The following SPAG16 variants were observed in gnomAD, a reference collection of about 807,000 sequenced individuals.
SPAG16 encodes sperm-associated antigen 16 protein.
SPAG16 carries 86 observed loss-of-function variants against 80.4 expected under a neutral mutation model. The observed-to-expected ratio is 1.07, with a 90% confidence interval of 0.90 to 1.28. The LOEUF is 1.28. Ranked by LOEUF, SPAG16 falls within the 50% of genes most tolerant of loss-of-function variation. The pLI is 0.00. For synonymous variants in SPAG16, 294 were observed against 265.9 expected, an observed-to-expected ratio of 1.11 and a Z score of -1.03; for missense variants, 870 against 765.3, an observed-to-expected ratio of 1.14 and a Z score of -1.61.
intron 10 of SPAG16, among the ~76,000 whole-genome samples, chr2:213,623,973 TA>T (rs1355722427): frequency 6.6e-6 from 1 of 152,146 alleles, no homozygotes; most frequent in Non-Finnish European, 1.5e-5. Context: ...TTAATTAAGT[TA>T]AACACAATTT....
At chr2:213,788,604 T>A (rs1411950103) in intron 10 of SPAG16, among the ~76,000 whole-genome samples, 1 of 151,978 alleles carries the variant, frequency 6.6e-6, no homozygotes, top group Non-Finnish European at 1.5e-5. Context: ...AGGAGACTCA[T>A]AAATTCTTCC....
At chr2:213,691,051 C>T (rs2064923398) in intron 10 of SPAG16, among the ~76,000 whole-genome samples, 1 of 152,106 alleles carries the variant, frequency 6.6e-6, no homozygotes, top group African/African-American at 2.4e-5. Flanking sequence ...CCCTGAAGGC[C>T]TAATCACCTC....
intron 10 of SPAG16, among the ~76,000 whole-genome samples, chr2:213,811,140 G>A (rs1016972153): frequency 3.9e-5 from 6 of 152,050 alleles, no homozygotes; most frequent in African/African-American, 1.4e-4. Context: ...TTAATATTCA[G>A]TTTTTACACT....
At chr2:213,664,768 A>C (rs1010196237) in intron 10 of SPAG16, among the ~76,000 whole-genome samples, 1 of 151,886 alleles carries the variant, frequency 6.6e-6, no homozygotes, top group Non-Finnish European at 1.5e-5. Flanking sequence ...TTTCACCTCA[A>C]ATATTTTTTC....
chr2:213,853,801 CTTAT>C (rs1483661404), intron 10 of SPAG16, among the ~76,000 whole-genome samples: 3 of 152,106 alleles, frequency 2.0e-5, no homozygotes, highest in African/African-American at 7.2e-5. Context: ...GCTTATTATT[CTTAT>C]TTATTAGAAC....
chr2:213,618,239 A>G (rs563246827), intron 10 of SPAG16, among the ~76,000 whole-genome samples: 2 of 152,272 alleles, frequency 1.3e-5, no homozygotes, highest in South Asian at 2.1e-4. Flanking sequence ...CTTTCTCAGC[A>G]TTTGTATTTC....
At chr2:213,541,790 A>G (rs1307124655) in intron 10 of SPAG16, among the ~76,000 whole-genome samples, 2 of 152,004 alleles carry the variant, frequency 1.3e-5, no homozygotes, top group Non-Finnish European at 2.9e-5. Context: ...AAGCAGGTGG[A>G]TAATTAACGT....
chr2:213,851,668 T>C (rs910353528), intron 10 of SPAG16, among the ~76,000 whole-genome samples: 4 of 152,208 alleles, frequency 2.6e-5, no homozygotes, highest in African/African-American at 9.6e-5. Context: ...CGGCTGCCTC[T>C]TACCTTGCCA....
intron 7 of SPAG16, among the ~76,000 whole-genome samples, chr2:213,356,936 C>T (rs1293142957): frequency 6.6e-6 from 1 of 152,158 alleles, no homozygotes; most frequent in Non-Finnish European, 1.5e-5. Flanking sequence ...CCCAGAGATT[C>T]TGGTATGTTG....
chr2:213,399,833 A>G (rs532753071), intron 9 of SPAG16, among the ~76,000 whole-genome samples: 2 of 152,196 alleles, frequency 1.3e-5, no homozygotes, highest in Admixed American at 1.3e-4. Context: ...AATGTAATAG[A>G]AGTTATTTCT....
At chr2:213,688,145 T>G (rs991380294) in intron 10 of SPAG16, among the ~76,000 whole-genome samples, 2 of 152,182 alleles carry the variant, frequency 1.3e-5, no homozygotes, top group African/African-American at 4.8e-5. Context: ...TTTAAACATT[T>G]TCTAGTTGAC....
At chr2:214,328,409 C>T (rs1021630960) in intron 15 of SPAG16, among the ~76,000 whole-genome samples, 28 of 152,186 alleles carry the variant, frequency 1.8e-4, no homozygotes, top group East Asian at 1.5e-3. Context: ...GTGATCCACC[C>T]GCCTCGGCCT....
At position 213,780,574 on chromosome 2, in the gene SPAG16, T is replaced by TC. The variant is rs771842760; in HGVS notation, c.1071-81911_1071-81910insC. 1.0e-3 allele frequency among the ~76,000 whole-genome samples: 149 copies of TC among 148,464 alleles called. 1 individual carries two copies. The highest frequency in any genetic ancestry group is 3.5e-3 in the African/African-American group (142 of 40,950). On this transcript the variant is annotated intron_variant, in intron 10 of 15. Coordinates refer to ENST00000331683, the MANE Select transcript of SPAG16 (RefSeq NM_024532.5). ...TCCAAACATTTTTCTTTTCTTTCTT[T>TC]TTTTTTTTTTTTTTTGGTGGTGAGC...
chr2:213,718,149 C>CAAAAAAAAAAAAAAAAAAA (rs71063769), intron 10 of SPAG16, among the ~76,000 whole-genome samples: 1 of 92,250 alleles, frequency 1.1e-5, no homozygotes, highest in African/African-American at 4.7e-5. Flanking sequence ...AACAAGTTTA[C>CAAAAAAAAAAAAAAAAAAA]AAAAAAAAAA....
chr2:214,345,637 A>G (rs1219942769), intron 15 of SPAG16, among the ~76,000 whole-genome samples: 1 of 152,086 alleles, frequency 6.6e-6, no homozygotes, highest in Non-Finnish European at 1.5e-5. Flanking sequence ...ACCACTACTC[A>G]AGTCTAAGAA....
intron 15 of SPAG16, among the ~76,000 whole-genome samples, chr2:214,322,912 A>C (rs905744129): frequency 2.6e-5 from 4 of 152,176 alleles, no homozygotes; most frequent in Admixed American, 2.0e-4. Flanking sequence ...GTTTTGTTTC[A>C]AACTCAAACA....
At chr2:213,759,547 G>A (rs1467326487) in intron 10 of SPAG16, among the ~76,000 whole-genome samples, 4 of 151,728 alleles carry the variant, frequency 2.6e-5, no homozygotes, top group Non-Finnish European at 5.9e-5. Flanking sequence ...TTGCAGTTAT[G>A]GTGGTACAAA....
In SPAG16 at chr2:213,493,140, T is replaced by A. The variant is rs531022133; in HGVS notation, c.1070+3050T>A. Reference sequence around the variant, plus strand: ...CTGCTTTTATAGTTGGGCATACAATTTTGCCAGTAATACACAACTATATGA... The same window carrying A: ...CTGCTTTTATAGTTGGGCATACAATATTGCCAGTAATACACAACTATATGA... On this transcript the variant is annotated intron_variant, in intron 10 of 15. Coordinates refer to ENST00000331683, the MANE Select transcript of SPAG16 (RefSeq NM_024532.5). Among the ~76,000 whole-genome samples, 5 of 152,318 alleles carry A rather than the reference T, an allele frequency of 3.3e-5. No homozygotes were observed. The East Asian group carries it at 9.7e-4, about 29-fold the overall frequency.
At chr2:213,817,436 A>G (rs1173758726) in intron 10 of SPAG16, among the ~76,000 whole-genome samples, 1 of 151,862 alleles carries the variant, frequency 6.6e-6, no homozygotes, top group African/African-American at 2.4e-5. Flanking sequence ...GAGATTTCTC[A>G]AATAATTTCA....
Sources: gnomAD v4.1 joint callset for allele counts (sites outside exome capture counted in the v4.1 genomes callset) on GRCh38, gnomAD v4.1.1 for gene constraint, MANE v1.5 for transcripts, NCBI Gene and HGNC (gene_info 2026-07-23, HGNC 2026-07-21) for gene names.